The following ATXN7L1 variants were observed in gnomAD, a reference collection of about 807,000 sequenced individuals.
ATXN7L1 encodes ataxin-7-like protein 1.
A neutral mutation model predicts 70.8 loss-of-function variants in ATXN7L1; 15 were observed. That is an observed-to-expected ratio of 0.21 (90% CI 0.14 to 0.33). The LOEUF is 0.33. Among genes scored for constraint, ATXN7L1 ranks in the 10% least tolerant of loss-of-function variants. ATXN7L1 has a pLI of 1.00. For synonymous variants in ATXN7L1, 440 were observed against 445.1 expected (o/e 0.99, Z 0.14); for missense variants, 975 against 1,097.1 (o/e 0.89, Z 1.57).
intron 7 of ATXN7L1, among the ~76,000 whole-genome samples, chr7:105,625,487 G>A (rs1382450551): frequency 6.6e-6 from 1 of 152,162 alleles, no homozygotes; most frequent in Non-Finnish European, 1.5e-5. Context: ...CTGACCTCAG[G>A]TGATCTGCCC....
At chr7:105,816,298 G>A (rs572222859) in intron 2 of ATXN7L1, among the ~76,000 whole-genome samples, 87 of 152,258 alleles carry the variant, frequency 5.7e-4, no homozygotes, top group African/African-American at 1.8e-3. Context: ...GTCTGAGAAG[G>A]GCACTAGCTG....
intron 2 of ATXN7L1, among the ~76,000 whole-genome samples, chr7:105,797,098 C>T (rs1806105601): frequency 6.6e-6 from 1 of 152,216 alleles, no homozygotes; most frequent in South Asian, 2.1e-4. Flanking sequence ...CAGCATCACT[C>T]CAGCATCAAG....
chr7:105,870,375 A>T (rs1296943316), intron 2 of ATXN7L1, among the ~76,000 whole-genome samples: 12 of 152,208 alleles, frequency 7.9e-5, no homozygotes, highest in Admixed American at 7.9e-4. Flanking sequence ...TTACTCTAAA[A>T]ATAAAGTTTC....
chr7:105,864,442 G>C lies in ATXN7L1; in HGVS notation c.250+11370C>G, dbSNP rs528142664. Among the ~76,000 whole-genome samples the C allele has an allele frequency of 8.3e-4, 89 of 107,636 alleles. 1 individual carries two copies. The highest frequency in any genetic ancestry group is 3.0e-3 in the African/African-American group (84 of 28,060). The allele number at this position is 107,636 out of a possible 152,430, so 70.6% of individuals were successfully genotyped here. On this transcript the variant is annotated intron_variant, in intron 2 of 11. Transcript: ENST00000419735. ...ACTGCACTCCAGCCTGGGTGGCAGAGAGAGGCCCTGTCTCAAAAAAAAAAA... is the reference window on the plus strand; with the variant it reads ...ACTGCACTCCAGCCTGGGTGGCAGACAGAGGCCCTGTCTCAAAAAAAAAAA...
chr7:105,664,312 T>C (rs1802172969), intron 4 of ATXN7L1, among the ~76,000 whole-genome samples: 1 of 151,666 alleles, frequency 6.6e-6, no homozygotes, highest in Non-Finnish European at 1.5e-5. Context: ...AATTGAGAGG[T>C]GGCAGCAGAA....
intron 3 of ATXN7L1, among the ~76,000 whole-genome samples, chr7:105,700,762 A>G (rs1584771238): frequency 6.6e-6 from 1 of 150,694 alleles, no homozygotes; most frequent in African/African-American, 2.4e-5. Context: ...GCTTACTGCA[A>G]CCTCCACCTC....
chr7:105,731,748 A>AAAAAGAAAAG (rs534062694), intron 3 of ATXN7L1, among the ~76,000 whole-genome samples: 1,694 of 106,914 alleles, frequency 0.016, 53 homozygotes, highest in East Asian at 0.055. Context: ...CTTACTCCTT[A>AAAAAGAAAAG]AAAAGAAAAG....
chr7:105,874,139 A>G (rs2116686038), intron 2 of ATXN7L1, among the ~76,000 whole-genome samples: 1 of 151,922 alleles, frequency 6.6e-6, no homozygotes, highest in Non-Finnish European at 1.5e-5. Context: ...AAAAAAAAAA[A>G]AAAAAATCTG....
At chr7:105,797,670 A>C (rs946272000) in intron 2 of ATXN7L1, among the ~76,000 whole-genome samples, 1 of 152,248 alleles carries the variant, frequency 6.6e-6, no homozygotes, top group Non-Finnish European at 1.5e-5. Context: ...GGCACACAGA[A>C]GGGATATAAA....
At chr7:105,789,950 C>T (rs1258738968) in intron 2 of ATXN7L1, among the ~76,000 whole-genome samples, 2 of 151,992 alleles carry the variant, frequency 1.3e-5, no homozygotes, top group Non-Finnish European at 2.9e-5. Flanking sequence ...AAACAAAATA[C>T]CACAGAACAT....
rs185533311 is a variant in ATXN7L1 at position 105,722,081 on chromosome 7, C to T, written c.356-56793G>A. ...TTGCCTGTCCCAACTGCATTGTTTA[C>T]TGGTAGTGGTAACTTTACTTCATCA... On this transcript the variant is annotated intron_variant, in intron 3 of 11. Transcript: ENST00000419735. 1.9e-3 allele frequency among the ~76,000 whole-genome samples: 286 copies of T among 152,322 alleles called. 1 individual carries two copies. Among genetic ancestry groups the T allele is most frequent in the African/African-American group, 6.6e-3 (275 of 41,570 alleles).
At chr7:105,692,419 T>TTTCCTCCCTCCC (rs1791071182) in intron 3 of ATXN7L1, among the ~76,000 whole-genome samples, 1 of 122,762 alleles carries the variant, frequency 8.1e-6, no homozygotes. Context: ...CCTTCCTTCC[T>TTTCCTCCCTCCC]TCCTTCCTCC....
At chr7:105,757,084 C>A (rs764811946) in intron 3 of ATXN7L1, among the ~76,000 whole-genome samples, 2 of 151,950 alleles carry the variant, frequency 1.3e-5, no homozygotes, top group Non-Finnish European at 2.9e-5. Context: ...TGTACAGTCA[C>A]GAAAGGGGCC....
intron 6 of ATXN7L1, among the ~76,000 whole-genome samples, chr7:105,639,166 T>C (rs1456738552): frequency 4.0e-5 from 6 of 150,926 alleles, no homozygotes; most frequent in African/African-American, 1.5e-4. Context: ...CCGCCGCCGC[T>C]GCCGCTGCTC....
At chr7:105,608,465 C>T (rs966054030) in intron 11 of ATXN7L1, among the ~76,000 whole-genome samples, 6 of 152,258 alleles carry the variant, frequency 3.9e-5, no homozygotes, top group African/African-American at 1.4e-4. Context: ...GAGTGCTACA[C>T]AAGTGGTGGC....
At position 105,622,866 on chromosome 7, in the gene ATXN7L1, G is replaced by T. The variant is rs75457509; in HGVS notation, c.1395+1209C>A. Among the ~76,000 whole-genome samples, 1,240 of 152,220 alleles carry T rather than the reference G, an allele frequency of 8.1e-3. 30 individuals are homozygous for T. The highest frequency in any genetic ancestry group is 0.029 in the African/African-American group (1,189 of 41,530). ...CACCACTGGGTGAGGATGTAATATC[G>T]GAGCAGCAGCTGACGTACAGGGACC... On this transcript the variant is annotated intron_variant, in intron 8 of 11. Coordinates refer to ENST00000419735, the MANE Select transcript of ATXN7L1 (RefSeq NM_020725.2).
intron 2 of ATXN7L1, among the ~76,000 whole-genome samples, chr7:105,828,578 T>C (rs567635303): frequency 6.6e-6 from 1 of 152,194 alleles, no homozygotes; most frequent in Non-Finnish European, 1.5e-5. Flanking sequence ...AGAGAAATAA[T>C]GACTACTCTT....
chr7:105,663,741 C>T (rs1442509371), intron 4 of ATXN7L1, among the ~76,000 whole-genome samples: 1 of 151,684 alleles, frequency 6.6e-6, no homozygotes, highest in East Asian at 1.9e-4. Flanking sequence ...GCTGAGATAA[C>T]AAAATGAATT....
At chr7:105,653,446 TCAAA>T (rs1278491494) in intron 4 of ATXN7L1, among the ~76,000 whole-genome samples, 1 of 152,124 alleles carries the variant, frequency 6.6e-6, no homozygotes, top group African/African-American at 2.4e-5. Flanking sequence ...AGACTCTGTC[TCAAA>T]CAAACAAAAA....
Sources: allele counts gnomAD v4.1 joint callset (sites outside exome capture counted in the v4.1 genomes callset), GRCh38; gene constraint gnomAD v4.1.1; transcripts MANE v1.5; gene names NCBI Gene and HGNC (gene_info 2026-07-23, HGNC 2026-07-21).